SUPT3H: variants seen among roughly 807,000 people sequenced by gnomAD.
The protein encoded by SUPT3H is transcription initiation protein SPT3 homolog.
A neutral mutation model predicts 44.3 loss-of-function variants in SUPT3H; 44 were observed. The ratio of observed to expected loss-of-function variants is 0.99; its 90% confidence interval spans 0.78 to 1.28. The LOEUF (loss-of-function observed/expected upper bound fraction) is 1.28. Among genes scored for constraint, SUPT3H ranks in the 50% most tolerant of loss-of-function variants. The probability of loss-of-function intolerance (pLI) is 0.00; values close to 1 mark genes in which losing one functional copy is unlikely to be tolerated. For synonymous variants in SUPT3H, 124 were observed against 125.6 expected (o/e 0.99, Z 0.09); for missense variants, 380 against 387.1 (o/e 0.98, Z 0.15).
At chr6:44,816,409 C>G (rs1766913607) in intron 11 of SUPT3H, among the ~76,000 whole-genome samples, 1 of 152,152 alleles carries the variant, frequency 6.6e-6, no homozygotes, top group South Asian at 2.1e-4. Flanking sequence ...TCAAAACTCT[C>G]TCAAGAAGAA....
chr6:45,290,157 G>A (rs1780081646), intron 2 of SUPT3H, among the ~76,000 whole-genome samples: 1 of 151,918 alleles, frequency 6.6e-6, no homozygotes, highest in African/African-American at 2.4e-5. Context: ...TCCAACCTGG[G>A]CAACAGAGTG....
intron 6 of SUPT3H, among the ~76,000 whole-genome samples, chr6:45,002,979 G>C (rs1036881848): frequency 2.0e-5 from 3 of 152,090 alleles, no homozygotes; most frequent in African/African-American, 7.2e-5. Flanking sequence ...AATATGAACT[G>C]TGAAAATACT....
At chr6:44,969,113 T>C (rs1777193349) in intron 6 of SUPT3H, among the ~76,000 whole-genome samples, 1 of 152,192 alleles carries the variant, frequency 6.6e-6, no homozygotes. Flanking sequence ...TCTTCTGAAA[T>C]TATTTGTTCT....
chr6:44,881,318 A>T (rs1173284973), intron 10 of SUPT3H, among the ~76,000 whole-genome samples: 1 of 152,216 alleles, frequency 6.6e-6, no homozygotes, highest in Non-Finnish European at 1.5e-5. Flanking sequence ...TAAAGGGATC[A>T]ATGCAACAAG....
chr6:45,169,808 G>A (rs1295277612), intron 2 of SUPT3H, among the ~76,000 whole-genome samples: 1 of 152,188 alleles, frequency 6.6e-6, no homozygotes, highest in Non-Finnish European at 1.5e-5. Flanking sequence ...TTCATCCTAT[G>A]ATTTCAAGGA....
chr6:45,295,725 T>C (rs1334273320), intron 2 of SUPT3H, among the ~76,000 whole-genome samples: 4 of 151,898 alleles, frequency 2.6e-5, no homozygotes, highest in Non-Finnish European at 5.9e-5. Flanking sequence ...CAAAAGAAGA[T>C]ATGCAAATGG....
chr6:44,907,844 T>C (rs1279527495), intron 10 of SUPT3H, among the ~76,000 whole-genome samples: 1 of 152,136 alleles, frequency 6.6e-6, no homozygotes, highest in Non-Finnish European at 1.5e-5. Context: ...CTAAAAATAT[T>C]AGTAATGAAT....
intron 10 of SUPT3H, among the ~76,000 whole-genome samples, chr6:44,901,229 T>A (rs1370311229): frequency 6.6e-6 from 1 of 152,048 alleles, no homozygotes; most frequent in Non-Finnish European, 1.5e-5. Context: ...TACTCCGAGC[T>A]AAAGGAGGAA....
At chr6:45,136,273 G>A (rs1415748774) in intron 2 of SUPT3H, among the ~76,000 whole-genome samples, 1 of 152,106 alleles carries the variant, frequency 6.6e-6, no homozygotes, top group Non-Finnish European at 1.5e-5. Context: ...AGACATCAGT[G>A]GCTACATGTT....
intron 2 of SUPT3H, among the ~76,000 whole-genome samples, chr6:45,266,997 T>C (rs1451092353): frequency 6.6e-6 from 1 of 152,162 alleles, no homozygotes; most frequent in Non-Finnish European, 1.5e-5. Context: ...ATTAAAATTA[T>C]GGTATAAATT....
intron 2 of SUPT3H, among the ~76,000 whole-genome samples, chr6:45,281,296 C>T (rs961508495): frequency 6.6e-6 from 1 of 152,310 alleles, no homozygotes; most frequent in East Asian, 1.9e-4. Context: ...GGCAAGGCAT[C>T]GCATCACCCG....
At chr6:44,816,790 A>G (rs1402506822) in intron 11 of SUPT3H, among the ~76,000 whole-genome samples, 2 of 152,228 alleles carry the variant, frequency 1.3e-5, no homozygotes, top group African/African-American at 4.8e-5. Flanking sequence ...ACAGTAGCTC[A>G]GGCCTATAAT....
At chr6:44,998,488 C>T (rs1781561555) in intron 6 of SUPT3H, among the ~76,000 whole-genome samples, 1 of 151,564 alleles carries the variant, frequency 6.6e-6, no homozygotes, top group African/African-American at 2.4e-5. Context: ...CGGTTTTTGC[C>T]TTTTTAAATG....
intron 2 of SUPT3H, among the ~76,000 whole-genome samples, chr6:45,211,191 T>C (rs1232688288): frequency 6.6e-6 from 1 of 152,200 alleles, no homozygotes; most frequent in East Asian, 1.9e-4. Context: ...AGCAAATACT[T>C]ACATGGTTAA....
intron 7 of SUPT3H, among the ~76,000 whole-genome samples, chr6:44,960,607 A>G (rs534054314): frequency 3.9e-5 from 6 of 152,214 alleles, no homozygotes; most frequent in African/African-American, 1.4e-4. Flanking sequence ...ATAATTTAAA[A>G]AAATAGTTCA....
At chr6:45,323,382 T>A (rs1056329979) in intron 2 of SUPT3H, among the ~76,000 whole-genome samples, 1 of 152,160 alleles carries the variant, frequency 6.6e-6, no homozygotes, top group South Asian at 2.1e-4. Flanking sequence ...TTTTTTTAGA[T>A]GATGCCTTAA....
intron 2 of SUPT3H, among the ~76,000 whole-genome samples, chr6:45,166,416 G>A (rs914216616): frequency 2.0e-5 from 3 of 151,722 alleles, no homozygotes; most frequent in East Asian, 1.9e-4. Flanking sequence ...GTGAAACCCC[G>A]TCTCTACTAA....
At position 45,295,524 on chromosome 6, in the gene SUPT3H, C is replaced by CAAA. The variant is rs752887669; in HGVS notation, c.101+69674_101+69676dup. ...ATTAAACGAAAGAGCTTTTGCACAGCAAAAAAAAAAAAAAAAAAAAAAAAA... is the reference window on the plus strand; with the variant it reads ...ATTAAACGAAAGAGCTTTTGCACAGCAAAAAAAAAAAAAAAAAAAAAAAAAAAA... On this transcript the variant is annotated intron_variant, in intron 2 of 10. Transcript: ENST00000371459. Among the ~76,000 whole-genome samples the CAAA allele has an allele frequency of 1.9e-3, 78 of 40,092 alleles. 6 individuals are homozygous for CAAA. Among genetic ancestry groups the CAAA allele is most frequent in the South Asian group, 6.2e-3 (4 of 644 alleles). 26.3% of individuals were successfully genotyped at this position (40,092 alleles called of 152,430 possible).
intron 4 of SUPT3H, among the ~76,000 whole-genome samples, chr6:45,015,860 T>C (rs1784182085): frequency 6.6e-6 from 1 of 151,892 alleles, no homozygotes; most frequent in African/African-American, 2.4e-5. Context: ...TATCACTGTC[T>C]TCCACCTCCA....
Sources: allele counts gnomAD v4.1 joint callset (sites outside exome capture counted in the v4.1 genomes callset), GRCh38; gene constraint gnomAD v4.1.1; transcripts MANE v1.5; gene names NCBI Gene and HGNC (gene_info 2026-07-23, HGNC 2026-07-21).